The following MARCHF1 variants were observed in gnomAD, a reference collection of about 807,000 sequenced individuals.
MARCHF1 encodes the protein membrane associated ring-CH-type finger 1, also known as E3 ubiquitin-protein ligase MARCHF1.
Under a neutral mutation model 54.2 loss-of-function variants are expected in MARCHF1, and 40 were observed. The observed-to-expected ratio is 0.74, with a 90% CI of 0.57 to 0.96. MARCHF1 has a LOEUF of 0.96. Ranked by LOEUF, MARCHF1 falls within the 40% of genes least tolerant of loss-of-function variation. MARCHF1 has a pLI of 0.00. For synonymous variants in MARCHF1, 236 were observed against 236.3 expected, an observed-to-expected ratio of 1.00 and a Z score of 0.01; for missense variants, 586 against 656.5, an observed-to-expected ratio of 0.89 and a Z score of 1.17.
At chr4:163,815,201 TC>T (rs1452393061) in intron 4 of MARCHF1, among the ~76,000 whole-genome samples, 12 of 152,348 alleles carry the variant, frequency 7.9e-5, no homozygotes, top group Admixed American at 2.0e-4. Context: ...CAATGACTTT[TC>T]CATTTAAATT....
At chr4:164,008,061 G>A (rs1753335274) in intron 2 of MARCHF1, among the ~76,000 whole-genome samples, 1 of 151,984 alleles carries the variant, frequency 6.6e-6, no homozygotes, top group Non-Finnish European at 1.5e-5. Context: ...AAAAAACCAG[G>A]ACCCAACTGT....
At chr4:163,837,484 A>G (rs7681115) in intron 4 of MARCHF1, among the ~76,000 whole-genome samples, 93,559 of 151,952 alleles carry the variant, frequency 0.62, 28,889 homozygotes, top group East Asian at 0.66. Context: ...TGTGTTAACA[A>G]CATGAAAATA....
At chr4:164,379,969 C>T (rs1362436858) in intron 1 of MARCHF1, among the ~76,000 whole-genome samples, 1 of 147,636 alleles carries the variant, frequency 6.8e-6, no homozygotes, top group Non-Finnish European at 1.5e-5. Flanking sequence ...ATAAAAATAA[C>T]AACATGTTGA....
intron 4 of MARCHF1, among the ~76,000 whole-genome samples, chr4:163,721,721 T>G (rs1346933333): frequency 6.6e-6 from 1 of 152,180 alleles, no homozygotes; most frequent in African/African-American, 2.4e-5. Flanking sequence ...GTTATTTGTC[T>G]ATTCAGGGAT....
intron 3 of MARCHF1, among the ~76,000 whole-genome samples, chr4:163,902,044 A>C (rs1433625634): frequency 6.6e-6 from 1 of 152,148 alleles, no homozygotes; most frequent in Admixed American, 6.6e-5. Context: ...CTTATTTTTC[A>C]TTTCCCCAAA....
intron 3 of MARCHF1, among the ~76,000 whole-genome samples, chr4:163,978,701 T>C (rs1752698036): frequency 6.6e-6 from 1 of 151,980 alleles, no homozygotes; most frequent in Admixed American, 6.6e-5. Context: ...GATTTTTTGT[T>C]GTATTTTTTA....
At chr4:164,077,876 A>G (rs1755012490) in intron 2 of MARCHF1, among the ~76,000 whole-genome samples, 1 of 152,214 alleles carries the variant, frequency 6.6e-6, no homozygotes, top group South Asian at 2.1e-4. Context: ...AAAAGTCAGG[A>G]AACAACAGAT....
intron 1 of MARCHF1, among the ~76,000 whole-genome samples, chr4:164,376,595 C>G (rs1226733529): frequency 1.3e-5 from 2 of 152,088 alleles, no homozygotes; most frequent in Non-Finnish European, 2.9e-5. Context: ...GGTTGAGGCT[C>G]CTTCTCACTT....
chr4:164,289,496 T>A (rs1734233428), intron 1 of MARCHF1, among the ~76,000 whole-genome samples: 1 of 151,748 alleles, frequency 6.6e-6, no homozygotes, highest in Admixed American at 6.6e-5. Context: ...GCAAATATAT[T>A]TTATTGATGC....
chr4:163,830,807 G>C (rs1299953640), intron 4 of MARCHF1, among the ~76,000 whole-genome samples: 1 of 152,052 alleles, frequency 6.6e-6, no homozygotes, highest in Non-Finnish European at 1.5e-5. Flanking sequence ...TAAAAACAAA[G>C]TATATGCTCT....
intron 5 of MARCHF1, among the ~76,000 whole-genome samples, chr4:163,695,390 T>C (rs960528026): frequency 6.6e-6 from 1 of 152,206 alleles, no homozygotes; most frequent in African/African-American, 2.4e-5. Context: ...AAATATTTGT[T>C]GAGTAAATTG....
intron 1 of MARCHF1, among the ~76,000 whole-genome samples, chr4:164,312,222 T>C (rs1315130227): frequency 1.3e-5 from 2 of 151,988 alleles, no homozygotes; most frequent in African/African-American, 4.8e-5. Context: ...TGACAATGAA[T>C]AGGTCACATT....
At chr4:163,836,035 C>T (rs984637587) in intron 4 of MARCHF1, among the ~76,000 whole-genome samples, 24 of 152,002 alleles carry the variant, frequency 1.6e-4, no homozygotes, top group African/African-American at 5.1e-4. Context: ...TTCCTCCCAG[C>T]CTAGGCTGGT....
At chr4:163,778,442 G>A (rs1195725808) in intron 4 of MARCHF1, among the ~76,000 whole-genome samples, 1 of 152,046 alleles carries the variant, frequency 6.6e-6, no homozygotes, top group African/African-American at 2.4e-5. Flanking sequence ...ATTTCATATT[G>A]CTATACTGAA....
At chr4:163,797,331 G>GTA (rs1005984233) in intron 4 of MARCHF1, among the ~76,000 whole-genome samples, 1 of 107,860 alleles carries the variant, frequency 9.3e-6, no homozygotes, top group African/African-American at 3.1e-5. Flanking sequence ...GATACGGTGT[G>GTA]TATGTGTGTG....
At chr4:163,839,639 T>G (rs12504670) in intron 4 of MARCHF1, among the ~76,000 whole-genome samples, 66,844 of 151,790 alleles carry the variant, frequency 0.44, 15,684 homozygotes, top group South Asian at 0.6. Flanking sequence ...ATATGAGATG[T>G]CTAGATTAGA....
intron 4 of MARCHF1, among the ~76,000 whole-genome samples, chr4:163,812,790 A>G (rs1301477691): frequency 1.3e-5 from 2 of 152,106 alleles, no homozygotes; most frequent in Non-Finnish European, 2.9e-5. Flanking sequence ...AACAAACCAA[A>G]AAACCTAAAC....
chr4:163,671,498 A>G (rs1369269611), intron 5 of MARCHF1, among the ~76,000 whole-genome samples: 2 of 152,202 alleles, frequency 1.3e-5, no homozygotes, highest in African/African-American at 2.4e-5. Context: ...TACTAATTGC[A>G]TTTTTAAAAG....
intron 1 of MARCHF1, among the ~76,000 whole-genome samples, chr4:164,377,519 C>T (rs149474705): frequency 6.6e-5 from 10 of 151,904 alleles, no homozygotes; most frequent in East Asian, 5.8e-4. Context: ...ATAAATGTAG[C>T]GCTTATTTGT....
Sources: allele counts gnomAD v4.1 joint callset (sites outside exome capture counted in the v4.1 genomes callset), GRCh38; gene constraint gnomAD v4.1.1; transcripts MANE v1.5; gene names NCBI Gene and HGNC (gene_info 2026-07-23, HGNC 2026-07-21).